PROS1: variants seen among roughly 807,000 people sequenced by gnomAD.
PROS1 encodes the protein vitamin K-dependent protein S.
In PROS1, 29 loss-of-function variants were observed where a neutral mutation model predicts 75.9. The observed-to-expected ratio is 0.38, with a 90% CI of 0.28 to 0.52. PROS1 has a LOEUF of 0.52. Among genes scored for constraint, PROS1 ranks in the 20% least tolerant of loss-of-function variants. The pLI, the probability that PROS1 is intolerant of heterozygous loss-of-function variation, is 0.83. For synonymous variants in PROS1, 245 were observed against 280.6 expected (o/e 0.87, Z 1.27); for missense variants, 680 against 810.3 (o/e 0.84, Z 1.95).
intron 6 of PROS1, among the ~76,000 whole-genome samples, chr3:93,905,314 G>A (rs1435242461): frequency 6.6e-6 from 1 of 152,116 alleles, no homozygotes; most frequent in East Asian, 1.9e-4. Context: ...TATCAGTACT[G>A]TAAACTAAAA....
chr3:93,895,096 C>G (rs929101531), intron 9 of PROS1, among the ~76,000 whole-genome samples: 5 of 152,070 alleles, frequency 3.3e-5, no homozygotes. Flanking sequence ...TACTTTAAGT[C>G]GTCTCTACAT....
chr3:93,939,140 T>A (rs1709236884), intron 1 of PROS1, among the ~76,000 whole-genome samples: 1 of 152,144 alleles, frequency 6.6e-6, no homozygotes, highest in East Asian at 1.9e-4. Context: ...TTGACCCCAA[T>A]ACAAACTCGA....
At chr3:93,911,011 G>C (rs1257952943) in intron 3 of PROS1, 1 of 330,860 alleles carries the variant, frequency 3.0e-6, no homozygotes, top group Non-Finnish European at 5.7e-6. Context: ...TGTCATATAA[G>C]TCTATGTTTT....
intron 1 of PROS1, among the ~76,000 whole-genome samples, chr3:93,964,601 G>A (rs940189650): frequency 1.3e-5 from 2 of 152,090 alleles, no homozygotes; most frequent in African/African-American, 4.8e-5. Flanking sequence ...TGTGCACCAC[G>A]GAACAAAGAC....
chr3:93,896,760 T>C, intron 8 of PROS1, 69 bp from the exon 9 acceptor site: 1 of 1,160,664 alleles, frequency 8.6e-7, no homozygotes, highest in Non-Finnish European at 1.3e-6. Context: ...AATGTTTGTG[T>C]GAGGTCATGC....
At chr3:93,913,317 T>A (rs1475451755) in intron 3 of PROS1, among the ~76,000 whole-genome samples, 3 of 152,250 alleles carry the variant, frequency 2.0e-5, no homozygotes, top group Admixed American at 6.5e-5. Context: ...CAGGTGGAGA[T>A]AATTGAATCA....
At chr3:93,963,877 C>T (rs116376605) in intron 1 of PROS1, among the ~76,000 whole-genome samples, 2 of 152,162 alleles carry the variant, frequency 1.3e-5, no homozygotes, top group Non-Finnish European at 2.9e-5. Context: ...CCTTCCCTCC[C>T]CTCCCCTTCC....
chr3:93,970,731 A>T (rs560527771), intron 1 of PROS1, among the ~76,000 whole-genome samples: 1 of 152,256 alleles, frequency 6.6e-6, no homozygotes, highest in African/African-American at 2.4e-5. Context: ...AAATTAGTTA[A>T]TATCTCTGAA....
At chr3:93,916,737 A>G (rs1031050901) in intron 3 of PROS1, among the ~76,000 whole-genome samples, 6 of 152,218 alleles carry the variant, frequency 3.9e-5, no homozygotes, top group African/African-American at 1.4e-4. Context: ...AAAGGCTAAG[A>G]AACAGACCCT....
At chr3:93,944,126 A>G (rs1198281473) in intron 1 of PROS1, among the ~76,000 whole-genome samples, 1 of 152,234 alleles carries the variant, frequency 6.6e-6, no homozygotes, top group East Asian at 1.9e-4. Context: ...ATACAAGAAA[A>G]TAATAAATGT....
intron 1 of PROS1, among the ~76,000 whole-genome samples, chr3:93,947,798 A>G (rs1015591950): frequency 2.6e-5 from 4 of 151,978 alleles, no homozygotes; most frequent in African/African-American, 9.7e-5. Context: ...CAATCTCCTG[A>G]TCTCGTGATC....
intron 3 of PROS1, among the ~76,000 whole-genome samples, chr3:93,914,311 C>A (rs1289304568): frequency 2.0e-5 from 3 of 152,244 alleles, no homozygotes; most frequent in Non-Finnish European, 4.4e-5. Flanking sequence ...CCTTTGAAAT[C>A]TAGGTGGAGG....
At position 93,884,924 on chromosome 3, in the gene PROS1, G is replaced by A. The variant is rs8178651; in HGVS notation, c.1324-28C>T. On this transcript the variant is annotated intron_variant, in intron 11 of 14. Coordinates refer to ENST00000394236, the MANE Select transcript of PROS1 (RefSeq NM_000313.4). ...AACAAATTAAAATACAAGTCAAGGA[G>A]TGCATTTTAAACTTAAACAGTGGCT... 4.6e-4 allele frequency: 743 copies of A among 1,598,124 alleles called. 5 individuals carry two copies. The African/African-American group carries it at 9.1e-3, about 20-fold the overall frequency.
chr3:93,944,206 C>T (rs529944043), intron 1 of PROS1, among the ~76,000 whole-genome samples: 10 of 150,588 alleles, frequency 6.6e-5, no homozygotes, highest in African/African-American at 2.5e-4. Context: ...ATACATAAAA[C>T]AGCAGAAGAA....
At position 93,906,788 on chromosome 3, in the gene PROS1, C is replaced by T. The variant is rs564159045; in HGVS notation, c.347-645G>A. On this transcript the variant is annotated intron_variant, in intron 4 of 14. Coordinates refer to ENST00000394236, the MANE Select transcript of PROS1 (RefSeq NM_000313.4). ...TGCCTGCTCTTGCTTCCTGACCTCT[C>T]CTCTCTCCTGGCACCCACTCTGGTC... Among the ~76,000 whole-genome samples, 557 of 152,354 alleles carry T rather than the reference C, an allele frequency of 3.7e-3. 3 individuals carry two copies. The highest frequency in any genetic ancestry group is 4.6e-3 in the Non-Finnish European group (316 of 68,028).
rs751463817 is a variant in PROS1, at chr3:93,900,817, T to C, written c.714A>G (p.Ser238=). 6.2e-7 allele frequency: 1 copy of C among 1,613,166 alleles called. No individual in the cohort carries two copies. The highest frequency in any genetic ancestry group is 2.2e-5 in the East Asian group (1 of 44,874). Reference sequence around the variant, plus strand: ...CCATCATCCTACCTTCACAAGACTTTGATTTGAGATTATATCTGTAGCCTT... The same window carrying C: ...CCATCATCCTACCTTCACAAGACTTCGATTTGAGATTATATCTGTAGCCTT... ...CPEGYRYNLK[S]KSCEDIDECS... Residue 238 remains serine, a synonymous_variant, in exon 7 of 15, where the codon TCA becomes TCG. Transcript: ENST00000394236.
At chr3:93,964,698 C>T (rs1281343645) in intron 1 of PROS1, among the ~76,000 whole-genome samples, 2 of 152,166 alleles carry the variant, frequency 1.3e-5, no homozygotes, top group South Asian at 2.1e-4. Flanking sequence ...TTGTGACCTG[C>T]TCCCTGTTCT....
chr3:93,898,675 C>T (rs1377167135), intron 7 of PROS1, 106 bp from the exon 8 acceptor site: 45 of 1,341,726 alleles, frequency 3.4e-5, no homozygotes, highest in Admixed American at 5.2e-5. Context: ...CAATGATAAT[C>T]GAACCTTAGG....
intron 7 of PROS1, among the ~76,000 whole-genome samples, chr3:93,899,242 A>G (rs1708549252): frequency 3.3e-5 from 5 of 151,914 alleles, no homozygotes; most frequent in Admixed American, 3.3e-4. Flanking sequence ...TTTTGAGAAA[A>G]TCATTCTTGG....
Sources: gnomAD v4.1 joint callset for allele counts (sites outside exome capture counted in the v4.1 genomes callset) on GRCh38, gnomAD v4.1.1 for gene constraint, MANE v1.5 for transcripts, NCBI Gene and HGNC (gene_info 2026-07-23, HGNC 2026-07-21) for gene names.